Variants in ZBTB45 observed in about 807,000 individuals in gnomAD.
ZBTB45 encodes zinc finger and BTB domain-containing protein 45.
In ZBTB45, 22 loss-of-function variants were observed where a neutral mutation model predicts 28.4. The ratio of observed to expected loss-of-function variants is 0.77; its 90% CI spans 0.55 to 1.10. The LOEUF (loss-of-function observed/expected upper bound fraction) is 1.10, where lower values mean the gene tolerates loss of function less well. ZBTB45 is among the 50% of genes least tolerant of loss of function. The pLI is 0.00. For synonymous variants in ZBTB45, 361 were observed against 332.3 expected (o/e 1.09, Z -0.94); for missense variants, 656 against 750.2 (o/e 0.87, Z 1.47).
chr19:58,536,663 A>G (rs1450186015), intron 1 of ZBTB45, among the ~76,000 whole-genome samples: 1 of 152,056 alleles, frequency 6.6e-6, no homozygotes, highest in African/African-American at 2.4e-5. Flanking sequence ...AAAAAGAAGA[A>G]AAAAGAAATT....
At chr19:58,528,300 A>C (rs533275586) in intron 1 of ZBTB45, among the ~76,000 whole-genome samples, 30 of 152,176 alleles carry the variant, frequency 2.0e-4, no homozygotes, top group Admixed American at 4.6e-4. Context: ...CGCTCATTAA[A>C]ATAGCATGTT....
At chr19:58,538,036 T>C (rs1322122442) in intron 1 of ZBTB45, among the ~76,000 whole-genome samples, 1 of 151,752 alleles carries the variant, frequency 6.6e-6, no homozygotes, top group Non-Finnish European at 1.5e-5. Flanking sequence ...CGGGGTTTCA[T>C]CATATTGGTC....
upstream of ZBTB45, among the ~76,000 whole-genome samples, chr19:58,521,354 G>A (rs1372783472): frequency 2.3e-5 from 3 of 131,434 alleles, no homozygotes; most frequent in Non-Finnish European, 4.7e-5. Flanking sequence ...GCGAAAGAGC[G>A]ACACTCAGTC....
At position 58,529,084 on chromosome 19, in the gene ZBTB45, C is replaced by CA. The variant is rs1231496438; in HGVS notation, c.-1+9616dup. Reference sequence around the variant, plus strand: ...GGGCAATGAGAGCAAAACTCCATCTCAAAAAAAAAAAAAAAAAGACATTGA... The same window carrying CA: ...GGGCAATGAGAGCAAAACTCCATCTCAAAAAAAAAAAAAAAAAAGACATTGA... On this transcript the variant is annotated intron_variant, in intron 1 of 1. Coordinates refer to the ZBTB45 transcript ENST00000600130. Among the ~76,000 whole-genome samples, 386 of 61,288 alleles carry CA rather than the reference C, an allele frequency of 6.3e-3. 3 individuals are homozygous for CA. Among genetic ancestry groups the CA allele is most frequent in the Middle Eastern group, 0.048 (5 of 104 alleles). 40.2% of individuals were successfully genotyped at this position (61,288 alleles called of 152,430 possible).
rs1198396578 is a variant in ZBTB45, at chr19:58,516,409, A to C, written c.1265T>G (p.Met422Arg). 1.4e-5 allele frequency: 22 copies of C among 1,613,934 alleles called. No homozygotes were observed. Among genetic ancestry groups the C allele is most frequent in the Non-Finnish European group, 1.8e-5 (21 of 1,179,864 alleles). Reference sequence around the variant, plus strand: ...CCCTGGCTCACCCGAGTGGATGAACATGTGCTTGGTGTAGTTTTTCCGGGA... The same window carrying C: ...CCCTGGCTCACCCGAGTGGATGAACCTGTGCTTGGTGTAGTTTTTCCGGGA... The part of the protein sequence containing the change: ...FSSRKNYTKH[M>R]FIHSGEKPHQ... Residue 422 changes from methionine to arginine, a missense_variant, in exon 2 of 3, where the codon ATG becomes AGG. Around this residue, in one of 3 missense-constraint regions of ZBTB45, gnomAD observed 103 missense variants for 153.5 expected, o/e 0.67. Transcript: ENST00000594051. This position sits in a 1 kb window ranked among gnomAD's most constrained non-coding sequence, Gnocchi z 6.2.
At chr19:58,529,556 C>CA (rs1349203835) in intron 1 of ZBTB45, among the ~76,000 whole-genome samples, 18 of 152,338 alleles carry the variant, frequency 1.2e-4, no homozygotes, top group African/African-American at 4.3e-4. Flanking sequence ...CCCCTCTCCT[C>CA]AGTCCCTGGA....
At chr19:58,533,546 C>T (rs1346205085) in intron 1 of ZBTB45, among the ~76,000 whole-genome samples, 1 of 151,710 alleles carries the variant, frequency 6.6e-6, no homozygotes, top group Admixed American at 6.6e-5. Flanking sequence ...AGAACTTTGA[C>T]AGAATAAAGT....
chr19:58,527,114 T>C (rs1854157059), intron 1 of ZBTB45, among the ~76,000 whole-genome samples: 1 of 152,220 alleles, frequency 6.6e-6, no homozygotes, highest in Admixed American at 6.5e-5. Flanking sequence ...TCCCAGAAGA[T>C]AATACATCCA....
At position 58,517,559 on chromosome 19, in the gene ZBTB45, T is replaced by C; in HGVS notation, c.115A>G (p.Ile39Val). Reference sequence around the variant, plus strand: ...TGGGCACGCAGCGAAGCTTCACGAATGCGCACAGTCACGTCACAGAAGTGT... The same window carrying C: ...TGGGCACGCAGCGAAGCTTCACGAACGCGCACAGTCACGTCACAGAAGTGT... ...GGHFCDVTVRIREASLRAHRC... is the reference protein window; with the variant it reads ...GGHFCDVTVRVREASLRAHRC... Residue 39 changes from isoleucine to valine, a missense_variant, in exon 2 of 3, where the codon ATT becomes GTT. This residue lies in a region of ZBTB45 where 105 missense variants were observed against 152.4 expected (regional missense o/e 0.69). Coordinates refer to ENST00000594051, the MANE Select transcript of ZBTB45 (RefSeq NM_001316979.2). The C allele has an allele frequency of 1.2e-6, 2 of 1,613,730 alleles. No homozygotes were observed. The highest frequency in any genetic ancestry group is 1.1e-5 in the South Asian group (1 of 91,088).
At chr19:58,533,978 A>G (rs1184932396) in intron 1 of ZBTB45, among the ~76,000 whole-genome samples, 1 of 152,250 alleles carries the variant, frequency 6.6e-6, no homozygotes, top group Non-Finnish European at 1.5e-5. Flanking sequence ...CTGAGAAGCC[A>G]GACAGAGAAG....
Position 58,514,470 on chromosome 19 carries a change from C to T in ZBTB45, c.1280-160G>A, listed in dbSNP as rs75596982. On this transcript the variant is annotated intron_variant, in intron 2 of 2. Transcript: ENST00000594051. ...CTTGCCTATCAGAGAACCCTCCCCT[C>T]ACTATGGGATCTTCCTGCCCAGCAG... is the stretch of plus-strand genomic sequence containing the variant. Among the ~76,000 whole-genome samples, 784 of 151,866 alleles carry T rather than the reference C, an allele frequency of 5.2e-3. 12 individuals carry two copies. The highest frequency in any genetic ancestry group is 0.018 in the African/African-American group (761 of 41,438).
chr19:58,530,266 T>TA (rs1336742387), intron 1 of ZBTB45, among the ~76,000 whole-genome samples: 1 of 152,002 alleles, frequency 6.6e-6, no homozygotes, highest in Non-Finnish European at 1.5e-5. Flanking sequence ...CACATTTATT[T>TA]ATCCATTAAT....
At chr19:58,522,159 C>CTTT (rs566701490), upstream of ZBTB45, among the ~76,000 whole-genome samples, 14 of 135,344 alleles carry the variant, frequency 1.0e-4, no homozygotes, top group Non-Finnish European at 1.9e-4. Context: ...CCCGTCTCTA[C>CTTT]TTTTTTTTTT....
At position 58,515,374 on chromosome 19, in the gene ZBTB45, C is replaced by G. The variant is rs1439904380; in HGVS notation, c.1279+1021G>C. Among the ~76,000 whole-genome samples, 2 of 152,032 alleles carry G rather than the reference C, an allele frequency of 1.3e-5. No homozygotes were observed. The highest frequency in any genetic ancestry group is 1.5e-5 in the Non-Finnish European group (1 of 67,998). On this transcript the variant is annotated intron_variant, in intron 2 of 2. Transcript: ENST00000594051. The surrounding 1 kb of genome is among the most constrained non-coding windows in gnomAD (Gnocchi z 4.7). ...GTGGCAGTGGACTGAAAGGCAGTGC[C>G]TGCCAGAGGGTACCCCAGAATAACC... is the stretch of plus-strand genomic sequence containing the variant.
chr19:58,534,117 G>A (rs1251647129), intron 1 of ZBTB45, among the ~76,000 whole-genome samples: 2 of 152,154 alleles, frequency 1.3e-5, no homozygotes, highest in Non-Finnish European at 2.9e-5. Context: ...TAGCTGAGGT[G>A]CTCCCTGCTT....
upstream of ZBTB45, among the ~76,000 whole-genome samples, chr19:58,522,522 C>T (rs1325666609): frequency 2.6e-5 from 4 of 151,842 alleles, no homozygotes; most frequent in African/African-American, 9.7e-5. Flanking sequence ...ATAATCCCAG[C>T]TACTTGGGAG....
chr19:58,536,759 G>A (rs771065593), intron 1 of ZBTB45, among the ~76,000 whole-genome samples: 1 of 152,188 alleles, frequency 6.6e-6, no homozygotes, highest in Non-Finnish European at 1.5e-5. Context: ...ACACGTGTGG[G>A]GTTTGGGGAA....
intron 1 of ZBTB45, among the ~76,000 whole-genome samples, chr19:58,525,457 C>A (rs1462268212): frequency 6.6e-6 from 1 of 152,146 alleles, no homozygotes; most frequent in Non-Finnish European, 1.5e-5. Flanking sequence ...AAGACTTGAG[C>A]CCTTCTGATG....
chr19:58,529,071 C>G (rs1379903888), intron 1 of ZBTB45, among the ~76,000 whole-genome samples: 1 of 94,864 alleles, frequency 1.1e-5, no homozygotes, highest in African/African-American at 6.4e-5. Flanking sequence ...GCAATGAGAG[C>G]AAAACTCCAT....
Sources: gnomAD v4.1 joint callset for allele counts (sites outside exome capture counted in the v4.1 genomes callset) on GRCh38, gnomAD v4.1.1 for gene constraint, gnomAD v4.1.1 regional missense constraint, Gnocchi (gnomAD v3.1) non-coding constraint, MANE v1.5 for transcripts, NCBI Gene and HGNC (gene_info 2026-07-23, HGNC 2026-07-21) for gene names.